Variants in MAML3 observed in about 807,000 individuals in gnomAD.
MAML3 encodes the protein mastermind like transcriptional coactivator 3, also known as mastermind-like protein 3.
A neutral mutation model predicts 101.9 loss-of-function variants in MAML3; 27 were observed. The observed-to-expected ratio is 0.27, with a 90% CI of 0.20 to 0.37. The LOEUF is 0.37. MAML3 is among the 10% of genes least tolerant of loss of function. The probability of loss-of-function intolerance (pLI) is 1.00; values close to 1 mark genes in which losing one functional copy is unlikely to be tolerated. For missense variants in MAML3, 1,316 were observed against 1,444.9 expected, an observed-to-expected ratio of 0.91 and a Z score of 1.45; for synonymous variants, 501 against 555.9, an observed-to-expected ratio of 0.90 and a Z score of 1.39.
At chr4:140,097,977 G>A (rs988578555) in intron 1 of MAML3, among the ~76,000 whole-genome samples, 1 of 152,162 alleles carries the variant, frequency 6.6e-6, no homozygotes, top group African/African-American at 2.4e-5. Context: ...TTTATTAAAA[G>A]CTAAAAGCCT....
intron 2 of MAML3, among the ~76,000 whole-genome samples, chr4:139,841,699 T>C (rs3796629): frequency 0.38 from 57,552 of 152,058 alleles, 11,403 homozygotes; most frequent in East Asian, 0.69. Flanking sequence ...CTATCGCTGG[T>C]CCCCACAAGT....
intron 1 of MAML3, among the ~76,000 whole-genome samples, chr4:140,064,356 C>A (rs1727496148): frequency 6.6e-6 from 1 of 152,114 alleles, no homozygotes; most frequent in Non-Finnish European, 1.5e-5. Flanking sequence ...AACACTCATG[C>A]CAGGGGAAAT....
intron 1 of MAML3, among the ~76,000 whole-genome samples, chr4:139,997,560 A>G (rs1196285413): frequency 6.6e-6 from 1 of 152,048 alleles, no homozygotes; most frequent in Non-Finnish European, 1.5e-5. Context: ...ATATCATTTC[A>G]TGTCTTTTAA....
intron 1 of MAML3, among the ~76,000 whole-genome samples, chr4:140,004,614 C>T (rs943044244): frequency 6.6e-6 from 1 of 152,086 alleles, no homozygotes; most frequent in Admixed American, 6.5e-5. Flanking sequence ...CAACGGGCTG[C>T]GAGTGTGTGA....
intron 1 of MAML3, among the ~76,000 whole-genome samples, chr4:140,119,790 T>C (rs894343146): frequency 1.3e-5 from 2 of 152,150 alleles, no homozygotes; most frequent in African/African-American, 2.4e-5. Context: ...ACAATATTTA[T>C]GCATTTGAAG....
At chr4:139,859,623 C>T (rs544480831) in intron 2 of MAML3, among the ~76,000 whole-genome samples, 42 of 152,252 alleles carry the variant, frequency 2.8e-4, no homozygotes, top group African/African-American at 9.4e-4. Flanking sequence ...CAAGCAGTAT[C>T]TACTAAGTGC....
At chr4:140,011,131 ATATATACACATATGT>A (rs1726549614) in intron 1 of MAML3, among the ~76,000 whole-genome samples, 1 of 77,598 alleles carries the variant, frequency 1.3e-5, no homozygotes, top group Non-Finnish European at 2.5e-5. Context: ...GTATATATAT[ATATATACACATATGT>A]CATATATATT....
intron 2 of MAML3, among the ~76,000 whole-genome samples, chr4:139,814,897 CAG>C (rs779332591): frequency 6.6e-6 from 1 of 152,164 alleles, no homozygotes; most frequent in African/African-American, 2.4e-5. Context: ...GAATTTTCTA[CAG>C]AGAGTTTTAT....
chr4:139,781,522 T>TAA (rs1336327520), intron 2 of MAML3, among the ~76,000 whole-genome samples: 1 of 150,956 alleles, frequency 6.6e-6, no homozygotes, highest in African/African-American at 2.4e-5. Context: ...TATATATATA[T>TAA]ATATATATAG....
chr4:139,889,450 G>C lies in MAML3; in HGVS notation c.1986C>G (p.His662Gln), dbSNP rs764412235. The stretch of plus-strand genomic sequence containing the variant: ...GCAGGCGTTTCTGGTCTTCGCTCAG[G>C]TGTGCCCTGGGGGCCTGGAGCTGTG... ...PPPQLQAPRA[H>Q]LSEDQKRLLL... Residue 662 changes from histidine to glutamine, a missense_variant, in exon 2 of 5, where the codon CAC becomes CAG. By Grantham distance (24) the His-to-Gln change is conservative. Coordinates refer to ENST00000509479, the MANE Select transcript of MAML3 (RefSeq NM_018717.5). 3 of 1,613,976 alleles carry C rather than the reference G, an allele frequency of 1.9e-6. No individual in the cohort carries two copies. The highest frequency in any genetic ancestry group is 1.7e-5 in the Admixed American group (1 of 60,020).
intron 2 of MAML3, among the ~76,000 whole-genome samples, chr4:139,784,901 G>A (rs920009508): frequency 6.6e-6 from 1 of 152,220 alleles, no homozygotes; most frequent in Admixed American, 6.5e-5. Flanking sequence ...ACGTGGACAT[G>A]GAGTGTGGAA....
chr4:139,927,675 T>G (rs1733292965), intron 1 of MAML3, among the ~76,000 whole-genome samples: 1 of 152,232 alleles, frequency 6.6e-6, no homozygotes, highest in Non-Finnish European at 1.5e-5. Flanking sequence ...ATTACGTTAT[T>G]CTGTGGGTGA....
At chr4:139,844,412 G>T (rs2111148532) in intron 2 of MAML3, among the ~76,000 whole-genome samples, 1 of 152,292 alleles carries the variant, frequency 6.6e-6, no homozygotes, top group East Asian at 1.9e-4. Flanking sequence ...TTTAGATGTT[G>T]GTGGCATTGT....
chr4:139,731,388 G>A (rs985999701), intron 2 of MAML3: 1 of 136,118 alleles, frequency 7.3e-6, no homozygotes, highest in Non-Finnish European at 1.5e-5. Context: ...GGATCACGAG[G>A]TCAGTTCGAG....
chr4:139,737,123 A>C (rs1390116445), intron 2 of MAML3, among the ~76,000 whole-genome samples: 1 of 152,070 alleles, frequency 6.6e-6, no homozygotes. Flanking sequence ...TGCTAAGGGG[A>C]GCATCAGACA....
In MAML3 at chr4:139,720,303, C is replaced by A. The variant is rs1237963347; in HGVS notation, c.2437G>T (p.Ala813Ser). The change falls in exon 5 of 5, where the codon GCC becomes TCC. Residue 813 changes from alanine (A) to serine (S), a missense_variant. Coordinates refer to ENST00000509479, the MANE Select transcript of MAML3 (RefSeq NM_018717.5). ...QFQGSPQDIAAVRSQAALQSM... is the reference protein window; with the variant it reads ...QFQGSPQDIASVRSQAALQSM... The stretch of plus-strand genomic sequence containing the variant: ...TGGAGGGCTGCTTGGCTTCTTACGG[C>A]TGCTATATCCTGGGGAGAACCTGCA... 6.5e-7 allele frequency: 1 copy of A among 1,546,764 alleles called. No homozygotes were observed. Among genetic ancestry groups the A allele is most frequent in the Admixed American group, 1.9e-5 (1 of 52,432 alleles).
intron 2 of MAML3, among the ~76,000 whole-genome samples, chr4:139,758,298 T>A (rs1226709523): frequency 2.0e-5 from 3 of 152,190 alleles, no homozygotes; most frequent in Non-Finnish European, 4.4e-5. Flanking sequence ...AAGGTATGCC[T>A]TCCTACTCAG....
At chr4:139,903,598 T>C (rs1732767693) in intron 1 of MAML3, among the ~76,000 whole-genome samples, 1 of 152,180 alleles carries the variant, frequency 6.6e-6, no homozygotes, top group Admixed American at 6.5e-5. Context: ...TATCTCAGAA[T>C]GTGACTACAT....
chr4:140,059,958 T>C (rs541319604), intron 1 of MAML3, among the ~76,000 whole-genome samples: 78 of 152,342 alleles, frequency 5.1e-4, no homozygotes, highest in African/African-American at 1.8e-3. Flanking sequence ...ATTTTTGATA[T>C]GATGTGATAT....
Sources: gnomAD v4.1 joint callset for allele counts (sites outside exome capture counted in the v4.1 genomes callset) on GRCh38, gnomAD v4.1.1 for gene constraint, MANE v1.5 for transcripts, NCBI Gene and HGNC (gene_info 2026-07-23, HGNC 2026-07-21) for gene names.